The following CTNNBL1 variants were observed in gnomAD, a reference collection of about 807,000 sequenced individuals.
CTNNBL1 encodes beta-catenin-like protein 1.
CTNNBL1 carries 31 observed loss-of-function variants against 72.7 expected under a neutral mutation model. That is an observed-to-expected ratio of 0.43 (90% CI 0.32 to 0.58). CTNNBL1 has a LOEUF of 0.58. CTNNBL1 is among the 20% of genes least tolerant of loss of function. CTNNBL1 has a pLI of 0.08. For synonymous variants in CTNNBL1, 240 were observed against 267.3 expected (o/e 0.90, Z 1.00); for missense variants, 534 against 725.1 (o/e 0.74, Z 3.03).
chr20:37,723,369 G>C (rs141331209), intron 1 of CTNNBL1, among the ~76,000 whole-genome samples: 240 of 152,224 alleles, frequency 1.6e-3, no homozygotes, highest in Non-Finnish European at 2.5e-3. Flanking sequence ...CCCCTTCATT[G>C]TGAACATTGA....
chr20:37,861,841 GA>G (rs1422258947), intron 15 of CTNNBL1, among the ~76,000 whole-genome samples: 2 of 152,160 alleles, frequency 1.3e-5, no homozygotes, highest in Admixed American at 6.5e-5. Flanking sequence ...AAAATACCAG[GA>G]AGATCATTGT....
intron 11 of CTNNBL1, among the ~76,000 whole-genome samples, chr20:37,807,690 G>T (rs527801615): frequency 3.3e-5 from 5 of 152,242 alleles, no homozygotes; most frequent in African/African-American, 1.2e-4. Context: ...GGAAGGAAAA[G>T]AATTATTATA....
At chr20:37,752,727 T>A (rs1252988922) in intron 4 of CTNNBL1, among the ~76,000 whole-genome samples, 1 of 152,134 alleles carries the variant, frequency 6.6e-6, no homozygotes, top group Non-Finnish European at 1.5e-5. Context: ...GCCATTGTGT[T>A]ATGGACCATT....
intron 3 of CTNNBL1, among the ~76,000 whole-genome samples, chr20:37,745,570 C>G (rs1054397729): frequency 6.6e-6 from 1 of 152,086 alleles, no homozygotes; most frequent in African/African-American, 2.4e-5. Context: ...ACCTTATTGT[C>G]CCTATTTACA....
intron 13 of CTNNBL1, among the ~76,000 whole-genome samples, chr20:37,844,868 A>G (rs1456326853): frequency 1.3e-5 from 2 of 152,186 alleles, no homozygotes; most frequent in Non-Finnish European, 1.5e-5. Flanking sequence ...GAGTCACTTG[A>G]GCCTGAGAGG....
At chr20:37,866,487 C>T (rs1281597174) in intron 15 of CTNNBL1, among the ~76,000 whole-genome samples, 1 of 152,206 alleles carries the variant, frequency 6.6e-6, no homozygotes, top group African/African-American at 2.4e-5. Flanking sequence ...GAACCTGTCT[C>T]AGAAGGCTGC....
chr20:37,767,856 G>A, intron 6 of CTNNBL1, 97 bp from the exon 7 acceptor site: 1 of 912,842 alleles, frequency 1.1e-6, no homozygotes, highest in Non-Finnish European at 1.8e-6. Context: ...ATGCAGGGAA[G>A]TGGGGAGAGG....
intron 2 of CTNNBL1, among the ~76,000 whole-genome samples, chr20:37,733,303 G>A (rs74350623): frequency 0.032 from 4,907 of 152,228 alleles, 265 homozygotes; most frequent in African/African-American, 0.11. Context: ...TACTGTAGGG[G>A]AGGGTCAGGG....
intron 13 of CTNNBL1, 41 bp downstream of exon 13, chr20:37,842,460 C>A: frequency 1.4e-6 from 2 of 1,436,960 alleles, no homozygotes; most frequent in Non-Finnish European, 2.0e-6. Context: ...ATTGACTTGC[C>A]CTCCGTTTGG....
intron 5 of CTNNBL1, among the ~76,000 whole-genome samples, chr20:37,760,642 G>A (rs1318564654): frequency 6.6e-6 from 1 of 152,220 alleles, no homozygotes; most frequent in Non-Finnish European, 1.5e-5. Context: ...TTCTTTCTCT[G>A]TAAAATGGAG....
chr20:37,707,501 A>G lies in CTNNBL1; in HGVS notation c.30+13349A>G, dbSNP rs2072897088. Among the ~76,000 whole-genome samples the G allele has an allele frequency of 2.0e-5, 3 of 152,236 alleles. No individual in the cohort carries two copies. In the South Asian group the frequency reaches 6.2e-4, roughly 31 times the overall value. ...TCTGCTAGCTTCAAACTTTGTGTGC[A>G]GCTTCCTCACCTCTCTTAGCCTTCA... On this transcript the variant is annotated intron_variant, in intron 1 of 15. Coordinates refer to ENST00000361383, the MANE Select transcript of CTNNBL1 (RefSeq NM_030877.5).
At chr20:37,846,827 G>C (rs1215117635) in intron 13 of CTNNBL1, among the ~76,000 whole-genome samples, 1 of 152,104 alleles carries the variant, frequency 6.6e-6, no homozygotes, top group African/African-American at 2.4e-5. Context: ...TCAGTAAAAT[G>C]TCGCCTCCTC....
intron 1 of CTNNBL1, among the ~76,000 whole-genome samples, chr20:37,726,195 T>C (rs1011229656): frequency 6.6e-6 from 1 of 152,230 alleles, no homozygotes; most frequent in Non-Finnish European, 1.5e-5. Context: ...ATACAGGATA[T>C]CACCATTGCA....
At chr20:37,810,937 A>C (rs2072006880) in intron 11 of CTNNBL1, among the ~76,000 whole-genome samples, 1 of 152,218 alleles carries the variant, frequency 6.6e-6, no homozygotes, top group African/African-American at 2.4e-5. Context: ...TACTCTTAGA[A>C]TCTATCTCAT....
intron 3 of CTNNBL1, 87 bp downstream of exon 3, chr20:37,737,571 G>A: frequency 1.2e-6 from 1 of 867,636 alleles, no homozygotes; most frequent in Non-Finnish European, 1.8e-6. Flanking sequence ...TTTGGCTTTT[G>A]TGATTTGGGC....
chr20:37,698,872 C>A (rs2072815284), intron 1 of CTNNBL1, among the ~76,000 whole-genome samples: 2 of 152,070 alleles, frequency 1.3e-5, no homozygotes, highest in East Asian at 3.9e-4. Context: ...ATGGTGAAAA[C>A]CTGTCTCTAC....
intron 15 of CTNNBL1, among the ~76,000 whole-genome samples, chr20:37,868,616 C>T (rs1284906623): frequency 6.6e-6 from 1 of 152,178 alleles, no homozygotes; most frequent in Non-Finnish European, 1.5e-5. Flanking sequence ...TGACTGTTTG[C>T]TTCTTAGCAC....
chr20:37,822,914 G>A (rs780474449), intron 11 of CTNNBL1, among the ~76,000 whole-genome samples: 3 of 152,216 alleles, frequency 2.0e-5, no homozygotes, highest in Non-Finnish European at 4.4e-5. Context: ...GGAAAGGCAC[G>A]CAGATTTTGC....
rs544712517 is a variant in CTNNBL1, at chr20:37,855,100, A to G, written c.1393-4799A>G. Among the ~76,000 whole-genome samples the G allele has an allele frequency of 2.2e-3, 169 of 77,842 alleles. 1 individual carries two copies. The highest frequency in any genetic ancestry group is 8.0e-3 in the African/African-American group (160 of 19,970). 51.1% of individuals were successfully genotyped at this position (77,842 alleles called of 152,430 possible). ...ATGATCTACCGAAAGCTGTGATCTA[A>G]TAAGCCAAAAAAAAAAAAAAAAAGC... On this transcript the variant is annotated intron_variant, in intron 13 of 15. Coordinates refer to ENST00000361383, the MANE Select transcript of CTNNBL1 (RefSeq NM_030877.5).
Sources: gnomAD v4.1 joint callset for allele counts (sites outside exome capture counted in the v4.1 genomes callset) on GRCh38, gnomAD v4.1.1 for gene constraint, MANE v1.5 for transcripts, NCBI Gene and HGNC (gene_info 2026-07-23, HGNC 2026-07-21) for gene names.